SGSM1: variants seen among roughly 807,000 people sequenced by gnomAD.
The protein encoded by SGSM1 is RUN and TBC1 domain containing 2.
A neutral mutation model predicts 133.8 loss-of-function variants in SGSM1; 73 were observed. That is an observed-to-expected ratio of 0.55 (90% CI 0.45 to 0.66). The LOEUF (loss-of-function observed/expected upper bound fraction) is 0.66. SGSM1 is among the 30% of genes least tolerant of loss of function. The probability of loss-of-function intolerance (pLI) is 0.00; values close to 1 mark genes in which losing one functional copy is unlikely to be tolerated. For missense variants in SGSM1, 1,213 were observed against 1,448.1 expected (o/e 0.84, Z 2.64); for synonymous variants, 563 against 573.0 (o/e 0.98, Z 0.25).
intron 14 of SGSM1, among the ~76,000 whole-genome samples, chr22:24,881,108 G>T (rs1335470888): frequency 6.9e-6 from 1 of 144,348 alleles, no homozygotes; most frequent in Non-Finnish European, 1.5e-5. Context: ...CAGGAGAATC[G>T]CTTGAACCCA....
Position 24,847,786 on chromosome 22 carries a change from A to G in SGSM1, c.292A>G (p.Ile98Val). 6.2e-7 allele frequency: 1 copy of G among 1,613,796 alleles called. No individual in the cohort carries two copies. The highest frequency in any genetic ancestry group is 8.5e-7 in the Non-Finnish European group (1 of 1,179,834). Residue 98 changes from isoleucine to valine, a missense_variant, in exon 4 of 25, where the codon ATC becomes GTC. Physicochemically the swap from Ile to Val is conservative, Grantham distance 29. Coordinates refer to ENST00000400358, the MANE Select transcript of SGSM1 (RefSeq NM_001098497.3). Reference protein sequence around the residue: ...SRKVQDLEQLIESARNQIQGL... With the variant: ...SRKVQDLEQLVESARNQIQGL... ...CAAGGTGCAAGACCTGGAGCAGCTG[A>G]TCGAGAGCGCGTGAGTGCAAAGCAT...
At chr22:24,843,175 T>C (rs910422552) in intron 2 of SGSM1, among the ~76,000 whole-genome samples, 6 of 152,166 alleles carry the variant, frequency 3.9e-5, no homozygotes, top group African/African-American at 1.4e-4. Context: ...CCCTAGATAG[T>C]TTTCAGGGTT....
At chr22:24,830,694 G>GGGGCTAAGTGTATGGAGAGGGTCCCC (rs1222500637) in intron 2 of SGSM1, among the ~76,000 whole-genome samples, 4 of 148,678 alleles carry the variant, frequency 2.7e-5, no homozygotes, top group African/African-American at 7.4e-5. Context: ...TTACCAGAAG[G>GGGGCTAAGTGTATGGAGAGGGTCCCC]AAGCTTTTCC....
chr22:24,899,987 T>C (rs1369117448), intron 19 of SGSM1, among the ~76,000 whole-genome samples: 3 of 152,108 alleles, frequency 2.0e-5, no homozygotes, highest in African/African-American at 7.2e-5. Flanking sequence ...TTTCTTCAAA[T>C]ATGCTATAAA....
chr22:24,898,899 C>T (rs1323368418), intron 19 of SGSM1, among the ~76,000 whole-genome samples: 2 of 151,684 alleles, frequency 1.3e-5, no homozygotes, highest in East Asian at 3.9e-4. Flanking sequence ...TGGTGGCAGG[C>T]ACCTGTAGTA....
intron 4 of SGSM1, among the ~76,000 whole-genome samples, chr22:24,849,282 G>A (rs913192298): frequency 6.6e-6 from 1 of 151,598 alleles, no homozygotes; most frequent in African/African-American, 2.4e-5. Flanking sequence ...GGCCAGGTGC[G>A]GTGGCTCATG....
chr22:24,841,007 C>T (rs569231201), intron 2 of SGSM1, among the ~76,000 whole-genome samples: 19 of 152,080 alleles, frequency 1.2e-4, no homozygotes, highest in South Asian at 6.2e-4. Flanking sequence ...CCCACCACCA[C>T]GCCCGGCTAA....
chr22:24,871,879 T>C (rs1252316554), intron 12 of SGSM1, among the ~76,000 whole-genome samples: 4 of 152,176 alleles, frequency 2.6e-5, no homozygotes, highest in South Asian at 2.1e-4. Flanking sequence ...CGGTTTCCAT[T>C]TGTGAGAGGT....
intron 3 of SGSM1, among the ~76,000 whole-genome samples, chr22:24,846,625 A>G (rs139662): frequency 0.43 from 65,282 of 151,978 alleles, 15,863 homozygotes; most frequent in African/African-American, 0.67. Flanking sequence ...GAATCTCCTC[A>G]AGGTTTCTTT....
At chr22:24,913,363 A>T (rs1026352979) in intron 22 of SGSM1, among the ~76,000 whole-genome samples, 2 of 152,112 alleles carry the variant, frequency 1.3e-5, no homozygotes, top group Non-Finnish European at 2.9e-5. Flanking sequence ...ACCGAATAAA[A>T]ATCTCTGAGT....
intron 16 of SGSM1, among the ~76,000 whole-genome samples, chr22:24,892,884 TAAA>T (rs71320793): frequency 8.4e-6 from 1 of 118,694 alleles, no homozygotes. Context: ...CCGTCTCTAC[TAAA>T]AAAAAAAAAA....
chr22:24,821,691 C>G (rs1928478343), intron 2 of SGSM1, among the ~76,000 whole-genome samples: 1 of 152,190 alleles, frequency 6.6e-6, no homozygotes, highest in Non-Finnish European at 1.5e-5. Context: ...CTAACATCTT[C>G]CATGACTGAC....
rs932488848 is a variant in SGSM1, at chr22:24,926,368, G to C, written c.*2094G>C. 1 of 152,146 alleles carries C rather than the reference G, an allele frequency of 6.6e-6. No individual in the cohort carries two copies. The highest frequency in any genetic ancestry group is 6.5e-5 in the Admixed American group (1 of 15,284). 9.4% of individuals were successfully genotyped at this position (152,146 alleles called of 1,614,324 possible). ...CCCCACCAAAGCAGAAACGGGAGACGGCAACGTTCTGGCTGCCATTAGACT... is the reference window on the plus strand; with the variant it reads ...CCCCACCAAAGCAGAAACGGGAGACCGCAACGTTCTGGCTGCCATTAGACT... On this transcript the variant is annotated 3_prime_UTR_variant, in exon 25 of 25. Coordinates refer to ENST00000400358, the MANE Select transcript of SGSM1 (RefSeq NM_001098497.3).
chr22:24,895,124 G>T, intron 17 of SGSM1, 99 bp from the exon 18 acceptor site: 1 of 1,176,228 alleles, frequency 8.5e-7, no homozygotes, highest in Non-Finnish European at 1.2e-6. Context: ...TAGGAATAGA[G>T]ATGCAACTAG....
chr22:24,892,948 C>T (rs1932840211), intron 16 of SGSM1, among the ~76,000 whole-genome samples: 1 of 151,284 alleles, frequency 6.6e-6, no homozygotes, highest in Non-Finnish European at 1.5e-5. Context: ...GTAGTCCCAG[C>T]TACTCAGGAG....
Position 24,822,813 on chromosome 22 carries a change from T to A in SGSM1, c.63+16329T>A, listed in dbSNP as rs146302282. ...AACATGGGGCTCCAGAGCAAGAGAC[T>A]TTGATTTAAGTCCCAGCCTCCTCAC... On this transcript the variant is annotated intron_variant, in intron 2 of 24. Coordinates refer to ENST00000400358, the MANE Select transcript of SGSM1 (RefSeq NM_001098497.3). Among the ~76,000 whole-genome samples the A allele has an allele frequency of 1.4e-4, 22 of 152,338 alleles. No individual in the cohort carries two copies. In the Middle Eastern group the frequency reaches 0.014, roughly 95 times the overall value.
intron 12 of SGSM1, among the ~76,000 whole-genome samples, chr22:24,871,057 G>A (rs373059163): frequency 1.4e-4 from 21 of 152,232 alleles, no homozygotes; most frequent in Middle Eastern, 3.4e-3. Context: ...GAACCTTAGC[G>A]TTACTGTCAT....
chr22:24,821,786 A>G (rs963976378), intron 2 of SGSM1, among the ~76,000 whole-genome samples: 35 of 152,318 alleles, frequency 2.3e-4, no homozygotes, highest in African/African-American at 7.7e-4. Flanking sequence ...GAGCAGTTAT[A>G]GGTTCTCAGA....
intron 2 of SGSM1, among the ~76,000 whole-genome samples, chr22:24,815,602 G>T (rs150527291): frequency 2.6e-5 from 4 of 152,068 alleles, no homozygotes; most frequent in Non-Finnish European, 4.4e-5. Context: ...AAAATTAGCC[G>T]GGCGTGGTGG....
Sources: allele counts gnomAD v4.1 joint callset (sites outside exome capture counted in the v4.1 genomes callset), GRCh38; gene constraint gnomAD v4.1.1; transcripts MANE v1.5; gene names NCBI Gene and HGNC (gene_info 2026-07-23, HGNC 2026-07-21).